Variants in ABCC4 observed in about 807,000 individuals in gnomAD.
The protein encoded by ABCC4 is ATP-binding cassette sub-family C member 4.
Under a neutral mutation model 168.5 loss-of-function variants are expected in ABCC4, and 102 were observed. That is an observed-to-expected ratio of 0.61 (90% CI 0.52 to 0.71). The LOEUF (loss-of-function observed/expected upper bound fraction) is 0.71, where lower values mean the gene tolerates loss of function less well. Ranked by LOEUF, ABCC4 falls within the 30% of genes least tolerant of loss-of-function variation. The pLI, the probability that ABCC4 is intolerant of heterozygous loss-of-function variation, is 0.00. For synonymous variants in ABCC4, 617 were observed against 590.7 expected (o/e 1.04, Z -0.65); for missense variants, 1,402 against 1,605.8 (o/e 0.87, Z 2.17).
At chr13:95,252,347 G>A (rs1459580122) in intron 1 of ABCC4, among the ~76,000 whole-genome samples, 2 of 152,104 alleles carry the variant, frequency 1.3e-5, no homozygotes, top group South Asian at 2.1e-4. Context: ...ATCTCTTACT[G>A]TGCTCAATTT....
intron 25 of ABCC4, among the ~76,000 whole-genome samples, chr13:95,071,249 C>T (rs1204893607): frequency 6.6e-6 from 1 of 152,166 alleles, no homozygotes; most frequent in Middle Eastern, 3.4e-3. Context: ...TGAAAACAGA[C>T]TAATACAGGA....
intron 19 of ABCC4, among the ~76,000 whole-genome samples, chr13:95,151,339 G>A (rs940489300): frequency 1.4e-4 from 22 of 152,016 alleles, no homozygotes; most frequent in African/African-American, 5.3e-4. Context: ...GCCAAGTGTG[G>A]TGGCATATGC....
intron 1 of ABCC4, among the ~76,000 whole-genome samples, chr13:95,292,498 C>G (rs2041427869): frequency 6.6e-6 from 1 of 152,160 alleles, no homozygotes; most frequent in Non-Finnish European, 1.5e-5. Flanking sequence ...TATTTTGGTT[C>G]TAGGAGCTGC....
intron 9 of ABCC4, among the ~76,000 whole-genome samples, chr13:95,194,359 G>A (rs1364879008): frequency 6.6e-6 from 1 of 152,174 alleles, no homozygotes; most frequent in African/African-American, 2.4e-5. Context: ...TTGGAATAGG[G>A]GAGCCCCACC....
At chr13:95,206,451 G>C (rs1009221572) in intron 8 of ABCC4, 81 bp downstream of exon 8, 2 of 1,549,952 alleles carry the variant, frequency 1.3e-6, no homozygotes, top group African/African-American at 1.4e-5. Context: ...CATTACACTG[G>C]AACATAGTGA....
intron 13 of ABCC4, among the ~76,000 whole-genome samples, chr13:95,177,462 C>T (rs565816365): frequency 9.8e-5 from 15 of 152,288 alleles, no homozygotes; most frequent in African/African-American, 3.1e-4. Context: ...ATCTGTTTCT[C>T]AACTCCCTAA....
intron 1 of ABCC4, among the ~76,000 whole-genome samples, chr13:95,277,775 A>G (rs1175662531): frequency 6.6e-6 from 1 of 152,114 alleles, no homozygotes; most frequent in Non-Finnish European, 1.5e-5. Context: ...AAAAATCCTT[A>G]ATGACTAAGT....
intron 11 of ABCC4, among the ~76,000 whole-genome samples, chr13:95,185,814 A>C (rs747678437): frequency 6.6e-6 from 1 of 152,100 alleles, no homozygotes; most frequent in African/African-American, 2.4e-5. Context: ...CTCAGTGTAC[A>C]ATCAAACACT....
intron 20 of ABCC4, among the ~76,000 whole-genome samples, chr13:95,106,438 T>C (rs2035008096): frequency 6.6e-6 from 1 of 151,574 alleles, no homozygotes; most frequent in African/African-American, 2.4e-5. Flanking sequence ...ATTAGAGGTT[T>C]ATTTAGCCAC....
intron 1 of ABCC4, among the ~76,000 whole-genome samples, chr13:95,251,421 A>G (rs2040256800): frequency 6.6e-6 from 1 of 152,214 alleles, no homozygotes; most frequent in African/African-American, 2.4e-5. Context: ...TTGAATCAAG[A>G]TTGTTCTCTC....
chr13:95,090,484 G>C (rs2034397115), intron 20 of ABCC4, among the ~76,000 whole-genome samples: 1 of 152,122 alleles, frequency 6.6e-6, no homozygotes, highest in Non-Finnish European at 1.5e-5. Flanking sequence ...TGCCAACCGG[G>C]AACCAGGCAG....
chr13:95,140,030 A>G (rs1186041726), intron 19 of ABCC4, among the ~76,000 whole-genome samples: 2 of 152,160 alleles, frequency 1.3e-5, no homozygotes, highest in Non-Finnish European at 2.9e-5. Flanking sequence ...TGTTGCCTTG[A>G]CCATCTCCAG....
intron 13 of ABCC4, among the ~76,000 whole-genome samples, chr13:95,173,913 A>C (rs1251530044): frequency 1.3e-5 from 2 of 152,246 alleles, no homozygotes; most frequent in East Asian, 3.8e-4. Context: ...CCAGAGCGTG[A>C]GCCCTCTCCA....
At chr13:95,042,403 C>T (rs929460222) in intron 29 of ABCC4, among the ~76,000 whole-genome samples, 7 of 152,054 alleles carry the variant, frequency 4.6e-5, no homozygotes, top group South Asian at 2.1e-4. Flanking sequence ...AGGGCATGAC[C>T]GCAACAGTGA....
chr13:95,236,847 T>C (rs145970570), intron 3 of ABCC4, among the ~76,000 whole-genome samples: 262 of 152,290 alleles, frequency 1.7e-3, no homozygotes, highest in African/African-American at 5.6e-3. Flanking sequence ...TAACACGGAC[T>C]GTTTAGAGTT....
At chr13:95,113,922 A>G (rs1451890474) in intron 20 of ABCC4, among the ~76,000 whole-genome samples, 1 of 152,204 alleles carries the variant, frequency 6.6e-6, no homozygotes, top group Non-Finnish European at 1.5e-5. Flanking sequence ...AGCTAATACT[A>G]TTTTTAAAAG....
chr13:95,296,185 A>ACAC (rs2041531845), intron 1 of ABCC4, among the ~76,000 whole-genome samples: 210 of 11,906 alleles, frequency 0.018, 6 homozygotes, highest in South Asian at 0.054. Context: ...CACACACACA[A>ACAC]AAACACAAAA....
intron 19 of ABCC4, among the ~76,000 whole-genome samples, chr13:95,155,833 C>G (rs1471294389): frequency 1.3e-5 from 2 of 152,178 alleles, no homozygotes; most frequent in Non-Finnish European, 2.9e-5. Context: ...AGTCAGTGTA[C>G]TTAGCTAAAT....
intron 1 of ABCC4, among the ~76,000 whole-genome samples, chr13:95,276,735 C>T (rs946650544): frequency 2.0e-5 from 3 of 152,130 alleles, no homozygotes; most frequent in East Asian, 3.9e-4. Flanking sequence ...ATACAACCCA[C>T]GGGCCAGCCG....
Sources: allele counts gnomAD v4.1 joint callset (sites outside exome capture counted in the v4.1 genomes callset), GRCh38; gene constraint gnomAD v4.1.1; transcripts MANE v1.5; gene names NCBI Gene and HGNC (gene_info 2026-07-23, HGNC 2026-07-21).